Variants in HPSE2 observed in about 807,000 individuals in gnomAD.
The protein encoded by HPSE2 is heparanase 2 (inactive).
In HPSE2, 38 loss-of-function variants were observed where a neutral mutation model predicts 60.5. The ratio of observed to expected loss-of-function variants is 0.63; its 90% CI spans 0.48 to 0.82. The LOEUF (loss-of-function observed/expected upper bound fraction) is 0.82, where lower values mean the gene tolerates loss of function less well. HPSE2 is among the 40% of genes least tolerant of loss of function. The pLI, the probability that HPSE2 is intolerant of heterozygous loss-of-function variation, is 0.00. For synonymous variants in HPSE2, 295 were observed against 293.2 expected (o/e 1.01, Z -0.06); for missense variants, 713 against 740.4 (o/e 0.96, Z 0.43).
intron 7 of HPSE2, 64 bp downstream of exon 7, chr10:98,641,783 T>C: frequency 2.4e-6 from 3 of 1,228,454 alleles, no homozygotes; most frequent in East Asian, 2.3e-5. Context: ...GCTGGGACTT[T>C]GTGTCTTTTT....
chr10:99,232,216 C>T (rs1306124977), intron 2 of HPSE2, 132 bp downstream of exon 2: 567 of 45,192 alleles, frequency 0.013, 21 homozygotes, highest in East Asian at 0.045. Flanking sequence ...CGCGCGCATA[C>T]ACACACACAC....
At chr10:98,601,725 T>C (rs1055902226) in intron 9 of HPSE2, among the ~76,000 whole-genome samples, 1 of 152,230 alleles carries the variant, frequency 6.6e-6, no homozygotes, top group African/African-American at 2.4e-5. Flanking sequence ...AGTGCTAGGC[T>C]TTTGGCCTGA....
intron 4 of HPSE2, among the ~76,000 whole-genome samples, chr10:98,722,675 C>T (rs1537888): frequency 6.6e-6 from 1 of 152,116 alleles, no homozygotes; most frequent in African/African-American, 2.4e-5. Flanking sequence ...CTTCCATTAC[C>T]TTGGTAGTTC....
At chr10:99,215,706 T>C (rs1206304699) in intron 2 of HPSE2, among the ~76,000 whole-genome samples, 1 of 152,084 alleles carries the variant, frequency 6.6e-6, no homozygotes, top group Non-Finnish European at 1.5e-5. Flanking sequence ...AGCAAACCAA[T>C]AGAGACAGAA....
intron 3 of HPSE2, among the ~76,000 whole-genome samples, chr10:99,100,685 A>C (rs150178670): frequency 0.018 from 2,678 of 152,278 alleles, 67 homozygotes; most frequent in African/African-American, 0.055. Context: ...CAAGACACAT[A>C]ATTGTCAGAT....
At chr10:99,165,982 CTT>C (rs1375881635) in intron 2 of HPSE2, among the ~76,000 whole-genome samples, 1 of 144,904 alleles carries the variant, frequency 6.9e-6, no homozygotes, top group Non-Finnish European at 1.5e-5. Context: ...GTGGCCAACA[CTT>C]TGTTGTTTTT....
At chr10:98,940,072 C>A (rs1954942266) in intron 3 of HPSE2, among the ~76,000 whole-genome samples, 1 of 143,164 alleles carries the variant, frequency 7.0e-6, no homozygotes, top group Non-Finnish European at 1.5e-5. Context: ...CTCTGGGACA[C>A]ATTCAAAGCA....
intron 3 of HPSE2, among the ~76,000 whole-genome samples, chr10:98,944,247 G>T (rs1955112990): frequency 6.6e-6 from 1 of 152,150 alleles, no homozygotes; most frequent in South Asian, 2.1e-4. Context: ...ATCTAAAGCA[G>T]CAGAGGCAGA....
In HPSE2 at chr10:98,621,664, T is replaced by C. The variant is rs576248007; in HGVS notation, c.1099-956A>G. Among the ~76,000 whole-genome samples, 42 of 152,316 alleles carry C rather than the reference T, an allele frequency of 2.8e-4. 2 individuals are homozygous for C. In the South Asian group the frequency reaches 8.7e-3, roughly 32 times the overall value. ...GGATCTTGGTAAGAGCCTTACAGAC[T>C]GTGTCTCAGAACTGACCCCCAAGGG... On this transcript the variant is annotated intron_variant, in intron 7 of 11. Transcript: ENST00000370552.
intron 9 of HPSE2, among the ~76,000 whole-genome samples, chr10:98,564,829 T>C (rs977090339): frequency 1.3e-5 from 2 of 152,310 alleles, no homozygotes; most frequent in East Asian, 3.9e-4. Context: ...CTCAATAACC[T>C]GTCTTAATGT....
intron 3 of HPSE2, among the ~76,000 whole-genome samples, chr10:99,080,485 G>A (rs775392070): frequency 1.2e-4 from 18 of 152,128 alleles, no homozygotes; most frequent in Non-Finnish European, 2.1e-4. Context: ...GGAATGCCTC[G>A]AACCTTGTAG....
chr10:99,226,807 A>T (rs1287830206), intron 2 of HPSE2, among the ~76,000 whole-genome samples: 1 of 152,038 alleles, frequency 6.6e-6, no homozygotes, highest in East Asian at 1.9e-4. Flanking sequence ...GGCTATGCAA[A>T]TATCCTCTTT....
chr10:99,263,780 G>A, the HPSE2 span, among the ~76,000 whole-genome samples: 15 of 150,922 alleles, frequency 9.9e-5, no homozygotes, highest in African/African-American at 2.2e-4. Flanking sequence ...CTATTCTGTC[G>A]TCGTTTCATA....
intron 3 of HPSE2, among the ~76,000 whole-genome samples, chr10:98,885,664 T>C (rs1326041501): frequency 6.6e-6 from 1 of 152,150 alleles, no homozygotes; most frequent in Non-Finnish European, 1.5e-5. Context: ...CAGGTGATTG[T>C]CAGCATTTTT....
rs117703610 is a variant in HPSE2, at chr10:99,160,011, C to T, written c.449-15612G>A. 6.9e-3 allele frequency among the ~76,000 whole-genome samples: 1,053 copies of T among 151,716 alleles called. 3 individuals carry two copies. Among genetic ancestry groups the T allele is most frequent in the Non-Finnish European group, 0.011 (766 of 67,948 alleles). On this transcript the variant is annotated intron_variant, in intron 2 of 11. Coordinates refer to ENST00000370552, the MANE Select transcript of HPSE2 (RefSeq NM_021828.5). ...TAAAAGTTAGCCAGGCATGGTGGCA[C>T]ATGCCTTTAATCCCAGCGACTCGGG...
At chr10:98,884,489 T>C (rs1274929777) in intron 3 of HPSE2, among the ~76,000 whole-genome samples, 1 of 152,162 alleles carries the variant, frequency 6.6e-6, no homozygotes, top group African/African-American at 2.4e-5. Context: ...TAGGGGCTAA[T>C]GCAGCTGGAC....
chr10:98,567,671 C>A (rs1165427305), intron 9 of HPSE2, among the ~76,000 whole-genome samples: 1 of 152,104 alleles, frequency 6.6e-6, no homozygotes, highest in African/African-American at 2.4e-5. Flanking sequence ...AAAAGTCAGA[C>A]CAGCTGATAC....
At chr10:98,903,064 T>C (rs1953710540) in intron 3 of HPSE2, among the ~76,000 whole-genome samples, 3 of 152,166 alleles carry the variant, frequency 2.0e-5, no homozygotes, top group Admixed American at 2.0e-4. Context: ...AGATGTGATA[T>C]AGTCATACAA....
At position 98,615,491 on chromosome 10, in the gene HPSE2, G is replaced by C. The variant is rs1945882431; in HGVS notation, c.1206-473C>G. On this transcript the variant is annotated intron_variant, in intron 8 of 11. Coordinates refer to ENST00000370552, the MANE Select transcript of HPSE2 (RefSeq NM_021828.5). The stretch of plus-strand genomic sequence containing the variant: ...TAACTCATATACTCCTATGACCTAT[G>C]CAAATATAGTCTAGTCATTAGCAAC... Among the ~76,000 whole-genome samples the C allele has an allele frequency of 2.6e-5, 4 of 152,084 alleles. No individual in the cohort carries two copies. In the South Asian group the frequency reaches 8.3e-4, roughly 32 times the overall value.
Sources: gnomAD v4.1 joint callset for allele counts (sites outside exome capture counted in the v4.1 genomes callset) on GRCh38, gnomAD v4.1.1 for gene constraint, MANE v1.5 for transcripts, NCBI Gene and HGNC (gene_info 2026-07-23, HGNC 2026-07-21) for gene names.